The following RORA variants were observed in gnomAD, a reference collection of about 807,000 sequenced individuals.
RORA encodes the protein RAR related orphan receptor A.
A neutral mutation model predicts 69.5 loss-of-function variants in RORA; 7 were observed. The observed-to-expected ratio is 0.10, with a 90% CI of 0.06 to 0.19. RORA has a LOEUF of 0.19. RORA is among the 10% of genes least tolerant of loss of function. RORA has a pLI of 1.00. For missense variants in RORA, 457 were observed against 663.0 expected (o/e 0.69, Z 3.41); for synonymous variants, 261 against 240.8 (o/e 1.08, Z -0.78).
chr15:60,838,934 G>A (rs2140400846), intron 1 of RORA, among the ~76,000 whole-genome samples: 1 of 149,412 alleles, frequency 6.7e-6, no homozygotes, highest in Admixed American at 6.7e-5. Context: ...TGTCACTCAG[G>A]CTGGAGTGCA....
intron 1 of RORA, among the ~76,000 whole-genome samples, chr15:61,202,393 C>T (rs1040061016): frequency 1.3e-5 from 2 of 152,134 alleles, no homozygotes; most frequent in Non-Finnish European, 2.9e-5. Flanking sequence ...GGTTTAAATT[C>T]AGTAGGTCTG....
intron 1 of RORA, among the ~76,000 whole-genome samples, chr15:61,017,138 T>C (rs576363760): frequency 2.0e-5 from 3 of 152,196 alleles, no homozygotes; most frequent in Non-Finnish European, 2.9e-5. Flanking sequence ...GCTCTTTTGA[T>C]TCCTACGTTT....
rs1480653615 is a variant in RORA, at chr15:60,531,760, G to A, written c.282+6C>T. 1 of 1,495,036 alleles carries A rather than the reference G, an allele frequency of 6.7e-7. No homozygotes were observed. Among genetic ancestry groups the A allele is most frequent in the Admixed American group, 1.9e-5 (1 of 52,420 alleles). The allele number at this position is 1,495,036 out of a possible 1,614,324, so 92.6% of individuals were successfully genotyped here. On this transcript the variant is annotated splice_donor_region_variant and intron_variant, in intron 3 of 10. Transcript: ENST00000335670. The surrounding 1 kb of genome is among the most constrained non-coding windows in gnomAD (Gnocchi z 4.8). The stretch of plus-strand genomic sequence containing the variant: ...AATAGAAACAACAACAATTAAAAAG[G>A]CTTACCTTGCAGCCTTCACATGTAA...
intron 1 of RORA, among the ~76,000 whole-genome samples, chr15:60,705,445 C>A (rs2071048076): frequency 6.6e-6 from 1 of 152,114 alleles, no homozygotes; most frequent in Non-Finnish European, 1.5e-5. Context: ...GATTTCTGAA[C>A]AGTTACTTAA....
At chr15:61,201,369 C>G (rs528261666) in intron 1 of RORA, among the ~76,000 whole-genome samples, 1 of 152,182 alleles carries the variant, frequency 6.6e-6, no homozygotes, top group African/African-American at 2.4e-5. Flanking sequence ...TCAGGTCAAA[C>G]AAACCACTAA....
chr15:60,944,246 C>CATGGG (rs1462002458), intron 1 of RORA, among the ~76,000 whole-genome samples: 5 of 152,118 alleles, frequency 3.3e-5, no homozygotes, highest in African/African-American at 4.8e-5. Context: ...TGAGATGGAG[C>CATGGG]ATGGGCATCA....
chr15:60,911,387 C>G (rs2140479207), intron 1 of RORA, among the ~76,000 whole-genome samples: 1 of 152,260 alleles, frequency 6.6e-6, no homozygotes, highest in Middle Eastern at 3.4e-3. Flanking sequence ...TTGAGAACAT[C>G]AGATCAACCC....
At position 60,858,091 on chromosome 15, in the gene RORA, T is replaced by C. The variant is rs144430084; in HGVS notation, c.167-179405A>G. ...AAGTTTGTGTTGCTATGAGGATTAA[T>C]TGAAGGTTATTGCAGGGCCTGTTGC... On this transcript the variant is annotated intron_variant, in intron 1 of 10. Coordinates refer to ENST00000335670, the MANE Select transcript of RORA (RefSeq NM_134261.3). 4.1e-3 allele frequency among the ~76,000 whole-genome samples: 628 copies of C among 152,332 alleles called. 4 individuals carry two copies. Among genetic ancestry groups the C allele is most frequent in the African/African-American group, 0.014 (597 of 41,566 alleles).
chr15:60,944,842 C>T (rs1892820034), intron 1 of RORA, among the ~76,000 whole-genome samples: 1 of 152,078 alleles, frequency 6.6e-6, no homozygotes, highest in Admixed American at 6.6e-5. Flanking sequence ...AAAACTGCAC[C>T]CCAGACTCCT....
intron 1 of RORA, among the ~76,000 whole-genome samples, chr15:60,817,680 T>G (rs914549392): frequency 2.0e-5 from 3 of 152,214 alleles, no homozygotes; most frequent in Non-Finnish European, 4.4e-5. Flanking sequence ...TTACCTCTAG[T>G]TCCCAGGTAC....
chr15:60,733,562 C>G (rs1338907093), intron 1 of RORA, among the ~76,000 whole-genome samples: 1 of 151,996 alleles, frequency 6.6e-6, no homozygotes. Flanking sequence ...AGAGGATATT[C>G]CCCATGAATA....
chr15:61,219,863 A>T (rs1360438793), intron 1 of RORA, among the ~76,000 whole-genome samples: 2 of 152,204 alleles, frequency 1.3e-5, no homozygotes, highest in Non-Finnish European at 2.9e-5. Flanking sequence ...TTTAACATAC[A>T]ACCCCAAGTT....
At chr15:60,581,769 T>C (rs1490941068) in intron 2 of RORA, among the ~76,000 whole-genome samples, 1 of 152,232 alleles carries the variant, frequency 6.6e-6, no homozygotes, top group Non-Finnish European at 1.5e-5. Flanking sequence ...TTTGAATAAA[T>C]GTTTCAATGA....
intron 1 of RORA, among the ~76,000 whole-genome samples, chr15:60,755,903 T>C (rs2071795701): frequency 6.6e-6 from 1 of 152,198 alleles, no homozygotes; most frequent in Non-Finnish European, 1.5e-5. Flanking sequence ...TAACCTGCAT[T>C]CATTCATTCA....
intron 1 of RORA, among the ~76,000 whole-genome samples, chr15:61,082,349 C>A (rs1333818716): frequency 1.3e-5 from 2 of 152,108 alleles, no homozygotes; most frequent in Non-Finnish European, 2.9e-5. Flanking sequence ...ATTAGCTGGG[C>A]ATGGTGGTGG....
intron 1 of RORA, among the ~76,000 whole-genome samples, chr15:60,872,221 G>T (rs1338431768): frequency 6.6e-6 from 1 of 152,138 alleles, no homozygotes; most frequent in Non-Finnish European, 1.5e-5. Flanking sequence ...CCTATAGAAT[G>T]AATACCTACA....
At chr15:60,516,388 C>A (rs923373603) in intron 3 of RORA, among the ~76,000 whole-genome samples, 14 of 145,696 alleles carry the variant, frequency 9.6e-5, no homozygotes, top group Admixed American at 2.2e-4. Context: ...CATGATCCAC[C>A]TTTTTATCTT....
intron 1 of RORA, among the ~76,000 whole-genome samples, chr15:60,932,115 G>T (rs887703243): frequency 2.0e-5 from 3 of 152,034 alleles, no homozygotes; most frequent in Non-Finnish European, 4.4e-5. Context: ...CAATGTCTTT[G>T]AATTCACCTT....
At position 60,494,100 on chromosome 15, in the gene RORA, A is replaced by AAGTT. The variant is rs1261704681; in HGVS notation, c.*3351_*3354dup. 12 of 152,138 alleles carry AAGTT rather than the reference A, an allele frequency of 7.9e-5. No individual in the cohort carries two copies. Among genetic ancestry groups the AAGTT allele is most frequent in the Non-Finnish European group, 1.3e-4 (9 of 68,036 alleles). 9.4% of individuals were successfully genotyped at this position (152,138 alleles called of 1,614,324 possible). A position where few individuals can be genotyped will look rare whatever the true frequency, so the allele number is the denominator to read the frequency against. ...CAGTGTCTTAAGTCATGTTTTTCTT[A>AAGTT]AGTTAGAAAGGGTGAATTAGGATGC... is the stretch of plus-strand genomic sequence containing the variant. On this transcript the variant is annotated 3_prime_UTR_variant, in exon 11 of 11. Transcript: ENST00000335670.
Sources: gnomAD v4.1 joint callset for allele counts (sites outside exome capture counted in the v4.1 genomes callset) on GRCh38, gnomAD v4.1.1 for gene constraint, Gnocchi (gnomAD v3.1) non-coding constraint, MANE v1.5 for transcripts, NCBI Gene and HGNC (gene_info 2026-07-23, HGNC 2026-07-21) for gene names.